KIAA1958: variants seen among roughly 807,000 people sequenced by gnomAD.
KIAA1958 encodes the protein KIAA1958, also known as uncharacterized protein KIAA1958.
In KIAA1958, 14 loss-of-function variants were observed where a neutral mutation model predicts 47.2. The ratio of observed to expected loss-of-function variants is 0.30; its 90% CI spans 0.20 to 0.46. The LOEUF (loss-of-function observed/expected upper bound fraction) is 0.46, where lower values mean the gene tolerates loss of function less well. KIAA1958 is among the 20% of genes least tolerant of loss of function. The probability of loss-of-function intolerance (pLI) is 1.00; values close to 1 mark genes in which losing one functional copy is unlikely to be tolerated. For missense variants in KIAA1958, 803 were observed against 909.2 expected (o/e 0.88, Z 1.50); for synonymous variants, 354 against 353.3 (o/e 1.00, Z -0.02).
At chr9:112,519,008 C>T (rs894601098) in intron 1 of KIAA1958, among the ~76,000 whole-genome samples, 3 of 152,124 alleles carry the variant, frequency 2.0e-5, no homozygotes, top group Admixed American at 6.5e-5. Context: ...TAGCTCAGTG[C>T]GGCCTTGAAC....
At chr9:112,488,553 A>C (rs551357833) in intron 1 of KIAA1958, among the ~76,000 whole-genome samples, 1 of 152,184 alleles carries the variant, frequency 6.6e-6, no homozygotes, top group African/African-American at 2.4e-5. Flanking sequence ...TTATATTGAC[A>C]AAGTTAAGTC....
chr9:112,550,291 G>A (rs1835119806), intron 1 of KIAA1958, among the ~76,000 whole-genome samples: 1 of 152,232 alleles, frequency 6.6e-6, no homozygotes, highest in Admixed American at 6.5e-5. Flanking sequence ...ATTCTAGCAA[G>A]TCTGAACTCT....
chr9:112,516,982 A>G (rs565192685), intron 1 of KIAA1958, among the ~76,000 whole-genome samples: 100 of 152,338 alleles, frequency 6.6e-4, no homozygotes, highest in African/African-American at 2.0e-3. Context: ...TTTGAAAACA[A>G]TTTGAAAAGT....
intron 2 of KIAA1958, among the ~76,000 whole-genome samples, chr9:112,597,778 A>G (rs1026271149): frequency 2.6e-5 from 4 of 152,228 alleles, no homozygotes; most frequent in African/African-American, 9.6e-5. Flanking sequence ...TAAAGTTTCT[A>G]GAAATGAAAA....
intron 1 of KIAA1958, among the ~76,000 whole-genome samples, chr9:112,504,264 G>T (rs1834196050): frequency 6.6e-6 from 1 of 151,672 alleles, no homozygotes; most frequent in Admixed American, 6.6e-5. Context: ...TCGGCTCACG[G>T]CAACCTCCAC....
At chr9:112,654,470 G>A (rs949948169) in intron 3 of KIAA1958, among the ~76,000 whole-genome samples, 1 of 152,136 alleles carries the variant, frequency 6.6e-6, no homozygotes, top group African/African-American at 2.4e-5. Flanking sequence ...ATTTGGGGGA[G>A]TGCTAGGTGG....
At chr9:112,539,019 G>A (rs1463404653) in intron 1 of KIAA1958, among the ~76,000 whole-genome samples, 1 of 152,184 alleles carries the variant, frequency 6.6e-6, no homozygotes, top group Non-Finnish European at 1.5e-5. Flanking sequence ...CCACTGGGGT[G>A]GCTGTAATAA....
chr9:112,553,615 T>G (rs1156381864), intron 1 of KIAA1958, among the ~76,000 whole-genome samples: 1 of 152,238 alleles, frequency 6.6e-6, no homozygotes, highest in Non-Finnish European at 1.5e-5. Flanking sequence ...AGAATAGAGC[T>G]TGGAACAACA....
At chr9:112,551,605 C>T (rs1357696671) in intron 1 of KIAA1958, among the ~76,000 whole-genome samples, 1 of 152,186 alleles carries the variant, frequency 6.6e-6, no homozygotes, top group East Asian at 1.9e-4. Context: ...CTTGAGTACT[C>T]ATTTTAGGGA....
intron 2 of KIAA1958, among the ~76,000 whole-genome samples, chr9:112,622,209 A>G (rs1250684963): frequency 6.6e-6 from 1 of 152,244 alleles, no homozygotes. Context: ...CAAAAAATCA[A>G]CAGTCCAGGA....
chr9:112,532,186 T>C (rs1159621065), intron 1 of KIAA1958, among the ~76,000 whole-genome samples: 1 of 152,236 alleles, frequency 6.6e-6, no homozygotes, highest in African/African-American at 2.4e-5. Flanking sequence ...TAGGCTGATG[T>C]CTGTGGGTGT....
At chr9:112,599,980 C>T (rs1393179378) in intron 2 of KIAA1958, among the ~76,000 whole-genome samples, 1 of 152,140 alleles carries the variant, frequency 6.6e-6, no homozygotes, top group African/African-American at 2.4e-5. Context: ...TGATTTATTA[C>T]ATTAATTACA....
intron 1 of KIAA1958, among the ~76,000 whole-genome samples, chr9:112,552,568 C>T (rs1469561411): frequency 6.6e-6 from 1 of 152,204 alleles, no homozygotes; most frequent in Non-Finnish European, 1.5e-5. Context: ...TCCTCACATC[C>T]TCGTGAAACA....
At chr9:112,616,774 C>T (rs556644275) in intron 2 of KIAA1958, among the ~76,000 whole-genome samples, 23 of 151,998 alleles carry the variant, frequency 1.5e-4, no homozygotes, top group Admixed American at 5.9e-4. Context: ...ATTTAAATTA[C>T]ATTTTACTGA....
chr9:112,663,872 A>G lies in KIAA1958; in HGVS notation c.*3803A>G, dbSNP rs1837316538. The G allele has an allele frequency of 6.6e-6, 1 of 152,272 alleles. No homozygotes were observed. The highest frequency in any genetic ancestry group is 2.1e-4 in the South Asian group (1 of 4,836). The allele number at this position is 152,272 out of a possible 1,614,324, so 9.4% of individuals were successfully genotyped here. A position where few individuals can be genotyped will look rare whatever the true frequency, so the allele number is the denominator to read the frequency against. ...GCTTATTAAAAGCATCAAGCATTAT[A>G]TGCCACACTCAGCATTTTCATAGAC... On this transcript the variant is annotated 3_prime_UTR_variant, in exon 4 of 4. Transcript: ENST00000337530.
rs778506131 is a variant in KIAA1958 at position 112,660,426 on chromosome 9, T to TA, written c.*367dup. The TA allele has an allele frequency of 1.5e-3, 330 of 222,672 alleles. No homozygotes were observed. The highest frequency in any genetic ancestry group is 3.4e-3 in the Middle Eastern group (2 of 580). 13.8% of individuals were successfully genotyped at this position (222,672 alleles called of 1,614,324 possible). On this transcript the variant is annotated 3_prime_UTR_variant, in exon 4 of 4. Coordinates refer to ENST00000337530, the MANE Select transcript of KIAA1958 (RefSeq NM_133465.4). The stretch of plus-strand genomic sequence containing the variant: ...AAAAGGAAACTGTTAAGTAGTCGTT[T>TA]AAAAAAAAAATCCCAGTAGCGCAGT...
At position 112,667,965 on chromosome 9, in the gene KIAA1958, TA is replaced by T. The variant is rs1837373402; in HGVS notation, c.*7900del. The T allele has an allele frequency of 7.7e-6, 1 of 129,972 alleles. No homozygotes were observed. Among genetic ancestry groups the T allele is most frequent in the South Asian group, 2.4e-4 (1 of 4,118 alleles). The allele number at this position is 129,972 out of a possible 1,614,324, so 8.1% of individuals were successfully genotyped here. ...ATAATATGGCTAGAAGCTACATATC[TA>T]AAAGCACCCGAAGTCCTCATATGAA... On this transcript the variant is annotated 3_prime_UTR_variant, in exon 4 of 4. Transcript: ENST00000337530.
intron 2 of KIAA1958, among the ~76,000 whole-genome samples, chr9:112,634,401 T>TTG: frequency 6.6e-6 from 1 of 152,222 alleles, no homozygotes; most frequent in East Asian, 1.9e-4. Context: ...GCTAATTTTT[T>TTG]TGTATTTTTA....
chr9:112,500,837 G>C (rs190142347), intron 1 of KIAA1958, among the ~76,000 whole-genome samples: 1 of 151,984 alleles, frequency 6.6e-6, no homozygotes, highest in African/African-American at 2.4e-5. Flanking sequence ...GGTTGGGTTC[G>C]GTGGTTCATA....
Sources: gnomAD v4.1 joint callset for allele counts (sites outside exome capture counted in the v4.1 genomes callset) on GRCh38, gnomAD v4.1.1 for gene constraint, MANE v1.5 for transcripts, NCBI Gene and HGNC (gene_info 2026-07-23, HGNC 2026-07-21) for gene names.